Variants in DLGAP2 observed in about 807,000 individuals in gnomAD.
The protein encoded by DLGAP2 is DLG associated protein 2.
Under a neutral mutation model 100.3 loss-of-function variants are expected in DLGAP2, and 26 were observed. The ratio of observed to expected loss-of-function variants is 0.26; its 90% CI spans 0.19 to 0.36. DLGAP2 has a LOEUF of 0.36. DLGAP2 is among the 10% of genes least tolerant of loss of function. The probability of loss-of-function intolerance (pLI) is 1.00; values close to 1 mark genes in which losing one functional copy is unlikely to be tolerated. For synonymous variants in DLGAP2, 886 were observed against 630.1 expected (o/e 1.41, Z -6.08); for missense variants, 1,858 against 1,453.2 (o/e 1.28, Z -4.53).
At chr8:1,320,779 C>G (rs1389086009) in intron 3 of DLGAP2, among the ~76,000 whole-genome samples, 1 of 152,220 alleles carries the variant, frequency 6.6e-6, no homozygotes, top group Non-Finnish European at 1.5e-5. Flanking sequence ...CATAGCCCCA[C>G]AAGAACAGTG....
chr8:1,063,866 T>C (rs1487218112), intron 2 of DLGAP2, among the ~76,000 whole-genome samples: 1 of 152,190 alleles, frequency 6.6e-6, no homozygotes, highest in East Asian at 1.9e-4. Context: ...TTGTGGCCTT[T>C]AATTTGCTCA....
At chr8:1,564,723 C>A (rs1425933551) in intron 5 of DLGAP2, among the ~76,000 whole-genome samples, 1 of 152,244 alleles carries the variant, frequency 6.6e-6, no homozygotes, top group Non-Finnish European at 1.5e-5. Flanking sequence ...TTCATGGTTG[C>A]TCAAGTCTGC....
intron 3 of DLGAP2, among the ~76,000 whole-genome samples, chr8:1,353,732 T>C (rs1367172493): frequency 6.6e-6 from 1 of 152,140 alleles, no homozygotes; most frequent in Non-Finnish European, 1.5e-5. Context: ...TTACTTAACG[T>C]AAGATTCAAA....
chr8:1,595,088 C>T (rs902472110), intron 6 of DLGAP2, among the ~76,000 whole-genome samples: 1 of 151,940 alleles, frequency 6.6e-6, no homozygotes, highest in South Asian at 2.1e-4. Flanking sequence ...GTCACCCAGG[C>T]TGGAGTGCAG....
At chr8:1,445,165 G>A (rs1264079164) in intron 3 of DLGAP2, among the ~76,000 whole-genome samples, 1 of 149,208 alleles carries the variant, frequency 6.7e-6, no homozygotes, top group Non-Finnish European at 1.5e-5. Context: ...GTATACATGT[G>A]CCATGCTGGT....
chr8:1,384,990 GCA>G (rs1478083965), intron 3 of DLGAP2, among the ~76,000 whole-genome samples: 2 of 99,826 alleles, frequency 2.0e-5, no homozygotes, highest in African/African-American at 7.9e-5. Flanking sequence ...AGAACTTGGT[GCA>G]CAGTTACCCC....
intron 2 of DLGAP2, among the ~76,000 whole-genome samples, chr8:1,190,847 A>C (rs1797618374): frequency 6.6e-6 from 1 of 152,174 alleles, no homozygotes; most frequent in African/African-American, 2.4e-5. Flanking sequence ...CCCAGGCTCC[A>C]GGCGCACGCA....
intron 7 of DLGAP2, among the ~76,000 whole-genome samples, chr8:1,630,926 G>A (rs534131624): frequency 1.1e-3 from 151 of 140,342 alleles, no homozygotes; most frequent in African/African-American, 4.3e-3. Context: ...GGGAGGTCCG[G>A]GTGTCCCGAG....
chr8:762,305 C>T (rs538370291), intron 1 of DLGAP2, among the ~76,000 whole-genome samples: 1 of 152,204 alleles, frequency 6.6e-6, no homozygotes, highest in Non-Finnish European at 1.5e-5. Flanking sequence ...CTTTGTCAAA[C>T]TCTTGGGACC....
At chr8:1,293,121 A>G (rs1324890385) in intron 3 of DLGAP2, among the ~76,000 whole-genome samples, 2 of 151,664 alleles carry the variant, frequency 1.3e-5, no homozygotes, top group Admixed American at 6.6e-5. Flanking sequence ...TGCATTTTCA[A>G]TCCTTGTGTG....
intron 6 of DLGAP2, among the ~76,000 whole-genome samples, chr8:1,603,957 C>A (rs1363245854): frequency 2.0e-5 from 3 of 152,084 alleles, no homozygotes; most frequent in Non-Finnish European, 1.5e-5. Flanking sequence ...AGCTCCAACC[C>A]CCACCTCCCC....
chr8:968,512 G>A (rs1030923009), intron 2 of DLGAP2, among the ~76,000 whole-genome samples: 2 of 152,182 alleles, frequency 1.3e-5, no homozygotes, highest in Non-Finnish European at 2.9e-5. Context: ...ACTTCTACTA[G>A]AAGACGGGGC....
At chr8:1,257,076 A>G (rs965430379) in intron 2 of DLGAP2, among the ~76,000 whole-genome samples, 3 of 151,862 alleles carry the variant, frequency 2.0e-5, no homozygotes, top group African/African-American at 7.3e-5. Flanking sequence ...CCGTGAAGGC[A>G]GGTGCAGTCA....
intron 6 of DLGAP2, among the ~76,000 whole-genome samples, chr8:1,580,446 G>A (rs1803186854): frequency 1.3e-5 from 2 of 152,202 alleles, no homozygotes; most frequent in Admixed American, 1.3e-4. Context: ...GAAAGCGTGG[G>A]AATCGAAAGG....
chr8:1,251,090 C>A (rs181084931), intron 2 of DLGAP2, among the ~76,000 whole-genome samples: 29 of 152,282 alleles, frequency 1.9e-4, no homozygotes, highest in East Asian at 5.8e-4. Flanking sequence ...AACCCATGTT[C>A]ACGAGAACGT....
chr8:1,442,685 T>C (rs1199388338), intron 3 of DLGAP2, among the ~76,000 whole-genome samples: 2 of 148,470 alleles, frequency 1.3e-5, no homozygotes, highest in Non-Finnish European at 3.0e-5. Flanking sequence ...GCCAGGCTGC[T>C]GTGGGTTCAT....
intron 2 of DLGAP2, among the ~76,000 whole-genome samples, chr8:1,237,661 T>C (rs1293832353): frequency 4.7e-4 from 10 of 21,208 alleles, no homozygotes; most frequent in Non-Finnish European, 8.3e-4. Flanking sequence ...ACACATAGCG[T>C]CATGTCTAGT....
chr8:1,426,740 T>C (rs931513148), intron 3 of DLGAP2, among the ~76,000 whole-genome samples: 3 of 152,148 alleles, frequency 2.0e-5, no homozygotes, highest in Non-Finnish European at 4.4e-5. Context: ...TGCAAGAAGA[T>C]GGTCAAATTA....
At chr8:1,180,717 A>C (rs1189308411) in intron 2 of DLGAP2, among the ~76,000 whole-genome samples, 1 of 150,382 alleles carries the variant, frequency 6.6e-6, no homozygotes, top group Admixed American at 6.6e-5. Context: ...TGGGTGTGCA[A>C]GGGCAGCACA....
Sources: allele counts gnomAD v4.1 joint callset (sites outside exome capture counted in the v4.1 genomes callset), GRCh38; gene constraint gnomAD v4.1.1; transcripts MANE v1.5; gene names NCBI Gene and HGNC (gene_info 2026-07-23, HGNC 2026-07-21).